The following MYO3A variants were observed in gnomAD, a reference collection of about 807,000 sequenced individuals.
MYO3A encodes myosin-IIIa.
MYO3A carries 180 observed loss-of-function variants against 192.7 expected under a neutral mutation model. The ratio of observed to expected loss-of-function variants is 0.93; its 90% CI spans 0.83 to 1.06. The LOEUF (loss-of-function observed/expected upper bound fraction) is 1.06. Among genes scored for constraint, MYO3A ranks in the 50% least tolerant of loss-of-function variants. The pLI, the probability that MYO3A is intolerant of heterozygous loss-of-function variation, is 0.00. For synonymous variants in MYO3A, 628 were observed against 645.3 expected, an observed-to-expected ratio of 0.97 and a Z score of 0.41; for missense variants, 1,896 against 1,905.0, an observed-to-expected ratio of 1.00 and a Z score of 0.09.
chr10:26,196,272 G>A (rs1843402756), intron 32 of MYO3A, among the ~76,000 whole-genome samples: 1 of 152,212 alleles, frequency 6.6e-6, no homozygotes, highest in East Asian at 1.9e-4. Flanking sequence ...GATTGTGATG[G>A]CTTCAACAGC....
At chr10:26,156,750 C>T (rs547343356) in intron 25 of MYO3A, among the ~76,000 whole-genome samples, 1 of 152,112 alleles carries the variant, frequency 6.6e-6, no homozygotes, top group Admixed American at 6.5e-5. Context: ...ATAGGTGAAG[C>T]TGTGTCATGG....
chr10:26,021,637 C>A lies in MYO3A; in HGVS notation c.720C>A (p.Phe240Leu), dbSNP rs1842311714. 1 of 1,613,972 alleles carries A rather than the reference C, an allele frequency of 6.2e-7. No homozygotes were observed. Among genetic ancestry groups the A allele is most frequent in the South Asian group, 1.1e-5 (1 of 91,078 alleles). ...LADLHPMRAL[F>L]KIPRNPPPKL... The stretch of plus-strand genomic sequence containing the variant: ...ACCTTCATCCCATGAGAGCACTCTT[C>A]AAAATACCAAGGTCAGATGACTAAC... The change falls in exon 8 of 35, where the codon TTC (phenylalanine) becomes TTA (leucine). Residue 240 changes from phenylalanine to leucine, a missense_variant. Coordinates refer to ENST00000642920, the MANE Select transcript of MYO3A (RefSeq NM_017433.5).
At chr10:26,137,096 A>G in intron 20 of MYO3A, among the ~76,000 whole-genome samples, 1 of 152,178 alleles carries the variant, frequency 6.6e-6, no homozygotes, top group African/African-American at 2.4e-5. Context: ...TGATGAGACT[A>G]TATAAAAAAT....
At chr10:26,069,554 G>T (rs552955150) in intron 12 of MYO3A, among the ~76,000 whole-genome samples, 2 of 151,944 alleles carry the variant, frequency 1.3e-5, no homozygotes, top group Non-Finnish European at 2.9e-5. Flanking sequence ...ACATATCTCT[G>T]TCATCTTTTG....
chr10:26,054,820 G>A (rs927530221), intron 10 of MYO3A, among the ~76,000 whole-genome samples: 7 of 152,226 alleles, frequency 4.6e-5, no homozygotes, highest in African/African-American at 1.7e-4. Context: ...GTCTCCAGAA[G>A]GAACCAGCCC....
chr10:26,043,564 A>T (rs1843475804), intron 10 of MYO3A, among the ~76,000 whole-genome samples: 1 of 151,950 alleles, frequency 6.6e-6, no homozygotes, highest in African/African-American at 2.4e-5. Context: ...TCCCCTTTCC[A>T]CAGGCAGAGG....
intron 17 of MYO3A, among the ~76,000 whole-genome samples, chr10:26,102,211 C>A (rs780672430): frequency 3.3e-5 from 5 of 152,160 alleles, no homozygotes; most frequent in Non-Finnish European, 7.3e-5. Flanking sequence ...CTTTTGCATG[C>A]GTCACATAGT....
chr10:26,174,445 A>G lies in MYO3A; in HGVS notation c.4181A>G (p.Tyr1394Cys), dbSNP rs775931940. 8.1e-6 allele frequency: 13 copies of G among 1,614,118 alleles called. No homozygotes were observed. In the Middle Eastern group the frequency reaches 4.9e-4, roughly 61 times the overall value. The change falls in exon 30 of 35, where the codon TAT becomes TGT. Residue 1394 changes from tyrosine to cysteine, a missense_variant. Physicochemically the swap from Tyr to Cys is radical, Grantham distance 194. Transcript: ENST00000642920. ...GTAGCAAGAAACACTCATAATTTGT[A>G]TTCCTATCCCACAAAACATGAGGAA... ...TEVARNTHNL[Y>C]SYPTKHEEIN...
At chr10:26,094,705 T>C (rs568714202) in intron 15 of MYO3A, among the ~76,000 whole-genome samples, 138 of 152,344 alleles carry the variant, frequency 9.1e-4, no homozygotes, top group Non-Finnish European at 1.7e-3. Context: ...ATTCCAGGCG[T>C]GAGCCACCGC....
intron 34 of MYO3A, among the ~76,000 whole-genome samples, chr10:26,206,534 C>T (rs569575982): frequency 6.0e-5 from 9 of 150,986 alleles, no homozygotes; most frequent in Non-Finnish European, 1.0e-4. Flanking sequence ...CTGCAACCTC[C>T]ACCTCCCAGG....
At chr10:25,959,491 C>A (rs1463577674) in intron 4 of MYO3A, among the ~76,000 whole-genome samples, 4 of 152,092 alleles carry the variant, frequency 2.6e-5, no homozygotes, top group Admixed American at 6.5e-5. Flanking sequence ...TTCTACACTG[C>A]CTCATTTAGT....
chr10:26,030,325 T>A (rs1308892223), intron 10 of MYO3A, among the ~76,000 whole-genome samples: 1 of 152,228 alleles, frequency 6.6e-6, no homozygotes, highest in Non-Finnish European at 1.5e-5. Context: ...CTTTTTTACT[T>A]TATTTTTTTA....
intron 3 of MYO3A, among the ~76,000 whole-genome samples, chr10:25,953,454 A>ATGTC (rs1837341294): frequency 1.3e-5 from 2 of 152,106 alleles, no homozygotes; most frequent in African/African-American, 4.8e-5. Flanking sequence ...CTGTTGCTGA[A>ATGTC]TGTCTTCACA....
chr10:25,950,782 T>A (rs1182601425), intron 2 of MYO3A, among the ~76,000 whole-genome samples: 1 of 152,056 alleles, frequency 6.6e-6, no homozygotes, highest in Non-Finnish European at 1.5e-5. Flanking sequence ...AGTGGATTGG[T>A]GATGTGAATA....
intron 10 of MYO3A, among the ~76,000 whole-genome samples, chr10:26,028,520 A>G (rs1452180141): frequency 1.3e-5 from 2 of 152,216 alleles, no homozygotes; most frequent in African/African-American, 4.8e-5. Context: ...ATCTTTGTGT[A>G]AATGTAGTTT....
Position 26,193,134 on chromosome 10 carries a change from C to T in MYO3A, c.4439-71C>T. The T allele has an allele frequency of 2.4e-6, 3 of 1,229,888 alleles. No individual in the cohort carries two copies. The South Asian group carries it at 3.8e-5, about 15-fold the overall frequency. 76.2% of individuals were successfully genotyped at this position (1,229,888 alleles called of 1,614,324 possible). On this transcript the variant is annotated intron_variant, in intron 31 of 34. Coordinates refer to ENST00000642920, the MANE Select transcript of MYO3A (RefSeq NM_017433.5). The stretch of plus-strand genomic sequence containing the variant: ...CATATGTGTATAATTTCTTATTTAT[C>T]CCAAAAGGAAAACATCACTTGATAA...
At chr10:25,967,172 A>G (rs1305205638) in intron 4 of MYO3A, among the ~76,000 whole-genome samples, 1 of 152,254 alleles carries the variant, frequency 6.6e-6, no homozygotes, top group Admixed American at 6.5e-5. Context: ...AAATAAGTAC[A>G]TAAAAATATT....
intron 7 of MYO3A, among the ~76,000 whole-genome samples, chr10:26,019,966 T>C (rs1162706149): frequency 1.3e-5 from 2 of 152,254 alleles, no homozygotes; most frequent in African/African-American, 2.4e-5. Flanking sequence ...AAAAATACTT[T>C]CATAGAAAAG....
In MYO3A at chr10:26,120,328, G is replaced by A. The variant is rs547471487; in HGVS notation, c.1777-348G>A. 3.9e-5 allele frequency among the ~76,000 whole-genome samples: 6 copies of A among 152,238 alleles called. No homozygotes were observed. The South Asian group carries it at 1.2e-3, about 32-fold the overall frequency. On this transcript the variant is annotated intron_variant, in intron 17 of 34. Coordinates refer to ENST00000642920, the MANE Select transcript of MYO3A (RefSeq NM_017433.5). ...ATCCATATGGTAACAACCACACTAA[G>A]TTCTGAAATTAAATTCTGCATGGAT...
Sources: gnomAD v4.1 joint callset for allele counts (sites outside exome capture counted in the v4.1 genomes callset) on GRCh38, gnomAD v4.1.1 for gene constraint, MANE v1.5 for transcripts, NCBI Gene and HGNC (gene_info 2026-07-23, HGNC 2026-07-21) for gene names.